Variants in TICAM2 observed in about 807,000 individuals in gnomAD.
TICAM2 encodes TIR domain-containing adapter molecule 2.
Under a neutral mutation model 7.3 loss-of-function variants are expected in TICAM2, and 8 were observed. That is an observed-to-expected ratio of 1.10 (90% CI 0.65 to 1.99). TICAM2 has a LOEUF of 1.99. Ranked by LOEUF, TICAM2 falls within the 30% of genes most tolerant of loss-of-function variation. The pLI is 0.00. For missense variants in TICAM2, 304 were observed against 278.8 expected, an observed-to-expected ratio of 1.09 and a Z score of -0.65; for synonymous variants, 113 against 99.6, an observed-to-expected ratio of 1.13 and a Z score of -0.80.
rs143482358 is a variant in TICAM2, at chr5:115,579,459, C to T, written c.*1090G>A. 1.6e-4 allele frequency: 24 copies of T among 152,316 alleles called. No homozygotes were observed. Among genetic ancestry groups the T allele is most frequent in the African/African-American group, 5.5e-4 (23 of 41,560 alleles). The allele number at this position is 152,316 out of a possible 1,614,324, so 9.4% of individuals were successfully genotyped here. A position where few individuals can be genotyped will look rare whatever the true frequency, so the allele number is the denominator to read the frequency against. On this transcript the variant is annotated 3_prime_UTR_variant, in exon 2 of 2. Coordinates refer to ENST00000427199, the MANE Select transcript of TICAM2 (RefSeq NM_021649.7). The stretch of plus-strand genomic sequence containing the variant: ...GGGCTTTTCTCATTACATGACATGA[C>T]CCATTCTCCACCCCATCCCTGATCT...
intron 1 of TICAM2, among the ~76,000 whole-genome samples, chr5:115,596,237 G>A (rs149286737): frequency 1.6e-4 from 24 of 152,038 alleles, no homozygotes; most frequent in African/African-American, 5.6e-4. Context: ...CTTCTGCACT[G>A]CCTCCTAATT....
Position 115,596,647 on chromosome 5 carries a change from C to T in TICAM2, c.-60+5450G>A, listed in dbSNP as rs575526987. 8.6e-4 allele frequency among the ~76,000 whole-genome samples: 131 copies of T among 152,248 alleles called. 1 individual carries two copies. Among genetic ancestry groups the T allele is most frequent in the Non-Finnish European group, 1.6e-3 (112 of 68,006 alleles). On this transcript the variant is annotated intron_variant, in intron 1 of 1. Transcript: ENST00000427199. ...CAAAAACCAGAACCTTGGCTGGGCG[C>T]GGTGGCTCACGCCTGTAATCCCAGC...
chr5:115,598,875 T>C (rs964503950), intron 1 of TICAM2, among the ~76,000 whole-genome samples: 2 of 152,122 alleles, frequency 1.3e-5, no homozygotes, highest in Non-Finnish European at 2.9e-5. Context: ...AACAATCTTT[T>C]AGTTGCTACA....
In TICAM2 at chr5:115,590,620, T is replaced by A. The variant is rs142948897; in HGVS notation, c.-59-9305A>T. Among the ~76,000 whole-genome samples the A allele has an allele frequency of 8.3e-3, 1,270 of 152,318 alleles. 10 individuals are homozygous for A. The highest frequency in any genetic ancestry group is 0.013 in the Non-Finnish European group (866 of 68,012). ...CCATATCCTATCTATTAGCTACAGA[T>A]GTATACAGATGTCTGAGCTGCTGAC... On this transcript the variant is annotated intron_variant, in intron 1 of 1. Coordinates refer to ENST00000427199, the MANE Select transcript of TICAM2 (RefSeq NM_021649.7).
Position 115,580,640 on chromosome 5 carries a change from A to C in TICAM2, c.617T>G (p.Val206Gly), listed in dbSNP as rs1239643787. 6.3e-7 allele frequency: 1 copy of C among 1,583,720 alleles called. No homozygotes were observed. The highest frequency in any genetic ancestry group is 1.9e-5 in the Admixed American group (1 of 52,076). ...EEESRGFPTQ[V>G]ERIFQESVYK... Reference sequence around the variant, plus strand: ...CACAGACTCCTGAAAAATTCTTTCTACTTGTGTAGGAAATCCACGACTTTC... The same window carrying C: ...CACAGACTCCTGAAAAATTCTTTCTCCTTGTGTAGGAAATCCACGACTTTC... The change falls in exon 2 of 2, where the codon GTA becomes GGA. Residue 206 changes from valine to glycine, a missense_variant. Physicochemically the swap from Val to Gly is moderately radical, Grantham distance 109 (BLOSUM62 -3). Coordinates refer to ENST00000427199, the MANE Select transcript of TICAM2 (RefSeq NM_021649.7).
At chr5:115,589,213 A>G (rs1755217342) in intron 1 of TICAM2, among the ~76,000 whole-genome samples, 1 of 152,200 alleles carries the variant, frequency 6.6e-6, no homozygotes, top group Admixed American at 6.5e-5. Flanking sequence ...AAAGCCTACA[A>G]TATTTACTCC....
At position 115,578,925 on chromosome 5, in the gene TICAM2, T is replaced by C. The variant is rs558870296; in HGVS notation, c.*1624A>G. 29 of 152,728 alleles carry C rather than the reference T, an allele frequency of 1.9e-4. No homozygotes were observed. Among genetic ancestry groups the C allele is most frequent in the African/African-American group, 6.7e-4 (28 of 41,556 alleles). The allele number at this position is 152,728 out of a possible 1,614,324, so 9.5% of individuals were successfully genotyped here. ...AACAGAATAGGAGGCTTGACTTACT[T>C]GCATGCTCCTCATAGAACGTTTTGG... On this transcript the variant is annotated 3_prime_UTR_variant, in exon 2 of 2. Transcript: ENST00000427199.
At position 115,601,073 on chromosome 5, in the gene TICAM2, C is replaced by T. The variant is rs529763870; in HGVS notation, c.-60+1024G>A. ...AAATGTAGGTGTCAATATTCTATAC[C>T]TGCTTATCTATTTTCTGATTTGAAT... is the stretch of plus-strand genomic sequence containing the variant. On this transcript the variant is annotated intron_variant, in intron 1 of 1. Coordinates refer to ENST00000427199, the MANE Select transcript of TICAM2 (RefSeq NM_021649.7). Among the ~76,000 whole-genome samples, 8 of 152,188 alleles carry T rather than the reference C, an allele frequency of 5.3e-5. No individual in the cohort carries two copies. The East Asian group carries it at 1.5e-3, about 29-fold the overall frequency.
intron 1 of TICAM2, among the ~76,000 whole-genome samples, chr5:115,591,673 A>G (rs954689429): frequency 2.6e-5 from 4 of 152,184 alleles, no homozygotes; most frequent in African/African-American, 9.6e-5. Context: ...TTAGATCAGC[A>G]GCAGAAGGAA....
At chr5:115,586,559 A>C (rs1755113721) in intron 1 of TICAM2, among the ~76,000 whole-genome samples, 1 of 152,162 alleles carries the variant, frequency 6.6e-6, no homozygotes, top group South Asian at 2.1e-4. Flanking sequence ...CAAGAGAAAG[A>C]CAGTGCTTAA....
At chr5:115,581,614 G>C in intron 1 of TICAM2, 1 of 309,032 alleles carries the variant, frequency 3.2e-6, no homozygotes, top group East Asian at 6.8e-5. Context: ...AAATTACGTT[G>C]GTATTTTTGT....
Position 115,586,075 on chromosome 5 carries a change from T to C in TICAM2, c.-59-4760A>G, listed in dbSNP as rs556405892. Among the ~76,000 whole-genome samples, 124 of 152,260 alleles carry C rather than the reference T, an allele frequency of 8.1e-4. 1 individual carries two copies. Among genetic ancestry groups the C allele is most frequent in the African/African-American group, 2.9e-3 (120 of 41,558 alleles). On this transcript the variant is annotated intron_variant, in intron 1 of 1. Transcript: ENST00000427199. ...AAAGGTTCCAGCAGGGAGATGCATA[T>C]TTGGCCTTTATCTTTGTATAGATTG...
intron 1 of TICAM2, among the ~76,000 whole-genome samples, chr5:115,586,429 A>C (rs1312549089): frequency 1.3e-5 from 2 of 151,878 alleles, no homozygotes; most frequent in Non-Finnish European, 2.9e-5. Flanking sequence ...AAAAAAAAAA[A>C]AAAAAACAGA....
At chr5:115,591,299 G>C (rs547805408) in intron 1 of TICAM2, among the ~76,000 whole-genome samples, 1 of 152,268 alleles carries the variant, frequency 6.6e-6, no homozygotes, top group African/African-American at 2.4e-5. Context: ...CTAGGTGTAC[G>C]AGTGATCTAA....
chr5:115,585,663 A>G (rs561424255), intron 1 of TICAM2, among the ~76,000 whole-genome samples: 1 of 152,346 alleles, frequency 6.6e-6, no homozygotes, highest in African/African-American at 2.4e-5. Context: ...CAAACACTAT[A>G]AGGAAAATAT....
Position 115,581,211 on chromosome 5 carries a change from A to G in TICAM2, c.46T>C (p.Ser16Pro), listed in dbSNP as rs1235879357. ...SKINSCPLSLSWGKRHSVDTS... is the reference protein window; with the variant it reads ...SKINSCPLSLPWGKRHSVDTS... ...TCCACACTGTGCCTTTTACCCCAAG[A>G]GAGAGAAAGAGGGCAGGAATTTATT... The change falls in exon 2 of 2, where the codon TCT (serine) becomes CCT (proline). Residue 16 changes from serine (S) to proline (P), a missense_variant. Physicochemically the swap from Ser to Pro is moderately conservative, Grantham distance 74. Transcript: ENST00000427199. 6.2e-7 allele frequency: 1 copy of G among 1,612,090 alleles called. No homozygotes were observed. Among genetic ancestry groups the G allele is most frequent in the South Asian group, 1.1e-5 (1 of 90,988 alleles).
intron 1 of TICAM2, among the ~76,000 whole-genome samples, chr5:115,583,851 C>T (rs923019738): frequency 6.6e-6 from 1 of 152,128 alleles, no homozygotes; most frequent in African/African-American, 2.4e-5. Context: ...TCCTGGAAAG[C>T]CTCCTTTAAA....
At chr5:115,593,083 C>T (rs1249505471) in intron 1 of TICAM2, among the ~76,000 whole-genome samples, 3 of 152,192 alleles carry the variant, frequency 2.0e-5, no homozygotes, top group Non-Finnish European at 2.9e-5. Context: ...GCGGAGGTTG[C>T]AGTGAGCCGA....
intron 1 of TICAM2, among the ~76,000 whole-genome samples, chr5:115,592,587 A>G (rs1415959214): frequency 6.6e-6 from 1 of 152,228 alleles, no homozygotes; most frequent in Non-Finnish European, 1.5e-5. Context: ...CCAAATATGT[A>G]AAGAAAAAAA....
Sources: allele counts gnomAD v4.1 joint callset (sites outside exome capture counted in the v4.1 genomes callset), GRCh38; gene constraint gnomAD v4.1.1; transcripts MANE v1.5; gene names NCBI Gene and HGNC (gene_info 2026-07-23, HGNC 2026-07-21).